PAN3: variants seen among roughly 807,000 people sequenced by gnomAD.
PAN3 encodes the protein poly(A) specific ribonuclease subunit PAN3, also known as PAN2-PAN3 deadenylation complex subunit PAN3.
A neutral mutation model predicts 96.2 loss-of-function variants in PAN3; 19 were observed. The observed-to-expected ratio is 0.20, with a 90% CI of 0.14 to 0.29. The LOEUF (loss-of-function observed/expected upper bound fraction) is 0.29, where lower values mean the gene tolerates loss of function less well. PAN3 is among the 10% of genes least tolerant of loss of function. The pLI, the probability that PAN3 is intolerant of heterozygous loss-of-function variation, is 1.00. For synonymous variants in PAN3, 433 were observed against 406.6 expected (o/e 1.06, Z -0.78); for missense variants, 882 against 1,108.1 (o/e 0.80, Z 2.90).
intron 8 of PAN3, 28 bp downstream of exon 8, chr13:28,260,579 T>G (rs778993433): frequency 6.6e-7 from 1 of 1,524,998 alleles, no homozygotes; most frequent in Non-Finnish European, 9.1e-7. Context: ...ATAGTAGGAA[T>G]ACTTAATGTC....
chr13:28,232,934 C>T (rs1471040586), intron 6 of PAN3, among the ~76,000 whole-genome samples: 2 of 152,050 alleles, frequency 1.3e-5, no homozygotes, highest in Admixed American at 6.6e-5. Context: ...ACATATTCCT[C>T]ATCAATTTTA....
intron 6 of PAN3, among the ~76,000 whole-genome samples, chr13:28,243,222 T>C (rs754132438): frequency 8.5e-5 from 13 of 152,220 alleles, no homozygotes; most frequent in Non-Finnish European, 1.0e-4. Flanking sequence ...GTTTTTGATA[T>C]TTCCCTATTT....
chr13:28,217,212 A>G (rs1380124330), intron 5 of PAN3, among the ~76,000 whole-genome samples: 2 of 152,112 alleles, frequency 1.3e-5, no homozygotes, highest in African/African-American at 2.4e-5. Flanking sequence ...AGTAGGGATC[A>G]TTTTTGAAAG....
intron 6 of PAN3, among the ~76,000 whole-genome samples, chr13:28,231,320 A>G (rs1479870857): frequency 1.3e-5 from 2 of 152,218 alleles, no homozygotes; most frequent in African/African-American, 4.8e-5. Context: ...GAAGATTACT[A>G]TGTGTAGACC....
rs1216261153 is a variant in PAN3, at chr13:28,146,294, T to TTCTC, written c.430+7209_430+7212dup. Among the ~76,000 whole-genome samples, 15 of 137,240 alleles carry TTCTC rather than the reference T, an allele frequency of 1.1e-4. No individual in the cohort carries two copies. In the East Asian group the frequency reaches 1.6e-3, roughly 15 times the overall value. The allele number at this position is 137,240 out of a possible 152,430, so 90.0% of individuals were successfully genotyped here. ...CCTAAATATATATATTTTTTCCTCT[T>TTCTC]TCTCTGTCTCTCTCTCTCTCTCTCT... On this transcript the variant is annotated intron_variant, in intron 1 of 18. Transcript: ENST00000380958.
rs552442481 is a variant in PAN3 at position 28,167,521 on chromosome 13, C to T, written c.431-6751C>T. On this transcript the variant is annotated intron_variant, in intron 1 of 18. Coordinates refer to ENST00000380958, the MANE Select transcript of PAN3 (RefSeq NM_175854.8). ...CTGAGAATTTCCCAAATTTTTAAGTCCTGCTTCCCTTTTGATTGTAAATTT... is the reference window on the plus strand; with the variant it reads ...CTGAGAATTTCCCAAATTTTTAAGTTCTGCTTCCCTTTTGATTGTAAATTT... Among the ~76,000 whole-genome samples the T allele has an allele frequency of 7.7e-4, 117 of 151,962 alleles. 4 individuals are homozygous for T. In the South Asian group the frequency reaches 0.023, roughly 31 times the overall value.
intron 5 of PAN3, among the ~76,000 whole-genome samples, chr13:28,201,067 C>CT (rs774726376): frequency 6.0e-5 from 9 of 151,086 alleles, no homozygotes; most frequent in Non-Finnish European, 1.5e-5. Context: ...GACAGGGTCT[C>CT]TGTTACCCAG....
intron 5 of PAN3, among the ~76,000 whole-genome samples, chr13:28,198,573 A>T (rs747742491): frequency 3.3e-5 from 5 of 152,214 alleles, no homozygotes; most frequent in Non-Finnish European, 5.9e-5. Context: ...ATTTTGAAGT[A>T]CCAACAAAAA....
intron 5 of PAN3, among the ~76,000 whole-genome samples, chr13:28,217,021 G>A (rs1880859626): frequency 6.6e-6 from 1 of 151,908 alleles, no homozygotes; most frequent in Non-Finnish European, 1.5e-5. Flanking sequence ...GGCTGAGGCA[G>A]GAGAATCACT....
At chr13:28,145,252 C>T (rs1870470433) in intron 1 of PAN3, among the ~76,000 whole-genome samples, 1 of 151,678 alleles carries the variant, frequency 6.6e-6, no homozygotes, top group African/African-American at 2.4e-5. Context: ...TTTGCACTTG[C>T]GTGTGTGTGT....
At chr13:28,155,942 G>GT (rs1872099655) in intron 1 of PAN3, among the ~76,000 whole-genome samples, 1 of 152,000 alleles carries the variant, frequency 6.6e-6, no homozygotes. Context: ...ATGGAGAGTG[G>GT]TACCAGATAA....
In PAN3 at chr13:28,277,307, G is replaced by A. The variant is rs757391823; in HGVS notation, c.2120G>A (p.Arg707Gln). ...LACNSLAGIQRENLQKAMELV... is the reference protein window; with the variant it reads ...LACNSLAGIQQENLQKAMELV... ...TGCAACTCTTTGGCAGGAATTCAGC[G>A]AGAGAATTTACAGAAAGCCATGGAA... Residue 707 changes from arginine (R) to glutamine (Q), a missense_variant, in exon 15 of 19, where the codon CGA (arginine) becomes CAA (glutamine). This residue lies in a region of PAN3 where 364 missense variants were observed against 513.6 expected (regional missense o/e 0.71). Transcript: ENST00000380958. 6 of 1,613,564 alleles carry A rather than the reference G, an allele frequency of 3.7e-6. No individual in the cohort carries two copies. Among genetic ancestry groups the A allele is most frequent in the East Asian group, 2.2e-5 (1 of 44,858 alleles).
At chr13:28,152,716 A>G (rs187788570) in intron 1 of PAN3, among the ~76,000 whole-genome samples, 2 of 152,354 alleles carry the variant, frequency 1.3e-5, no homozygotes, top group Non-Finnish European at 2.9e-5. Flanking sequence ...GGAGCTGAAG[A>G]TAAATGTCCC....
chr13:28,147,576 A>G (rs1236737939), intron 1 of PAN3, among the ~76,000 whole-genome samples: 1 of 152,198 alleles, frequency 6.6e-6, no homozygotes, highest in Non-Finnish European at 1.5e-5. Flanking sequence ...AGTATACTGT[A>G]TCAGTTGTTT....
At chr13:28,214,855 T>G in intron 5 of PAN3, 2 of 734,148 alleles carry the variant, frequency 2.7e-6, no homozygotes, top group Non-Finnish European at 4.9e-6. Flanking sequence ...TGTGCTGTAC[T>G]GATTATTGCT....
chr13:28,159,818 G>A (rs1331221799), intron 1 of PAN3, among the ~76,000 whole-genome samples: 11 of 152,160 alleles, frequency 7.2e-5, no homozygotes, highest in East Asian at 3.9e-4. Flanking sequence ...ATTGGGTACC[G>A]TGCATATTAT....
At chr13:28,211,084 A>G (rs940380360) in intron 5 of PAN3, among the ~76,000 whole-genome samples, 1 of 150,302 alleles carries the variant, frequency 6.7e-6, no homozygotes, top group East Asian at 1.9e-4. Context: ...TTTTTTTTGT[A>G]GAGAGAGTGT....
intron 6 of PAN3, among the ~76,000 whole-genome samples, chr13:28,236,467 C>T (rs544247602): frequency 4.2e-4 from 64 of 152,060 alleles, no homozygotes; most frequent in African/African-American, 1.4e-3. Context: ...TTCAAAATGC[C>T]AGAAAATTTG....
intron 2 of PAN3, among the ~76,000 whole-genome samples, chr13:28,175,431 G>A (rs1382533419): frequency 1.3e-5 from 2 of 152,088 alleles, no homozygotes; most frequent in East Asian, 1.9e-4. Context: ...AATAATTTTA[G>A]CAGAGATGAG....
Sources: gnomAD v4.1 joint callset for allele counts (sites outside exome capture counted in the v4.1 genomes callset) on GRCh38, gnomAD v4.1.1 for gene constraint, gnomAD v4.1.1 regional missense constraint, MANE v1.5 for transcripts, NCBI Gene and HGNC (gene_info 2026-07-23, HGNC 2026-07-21) for gene names.